The following SYNE2 variants were observed in gnomAD, a reference collection of about 807,000 sequenced individuals.
The protein encoded by SYNE2 is spectrin repeat containing nuclear envelope protein 2, also known as nesprin-2.
Under a neutral mutation model 856.3 loss-of-function variants are expected in SYNE2, and 431 were observed. The ratio of observed to expected loss-of-function variants is 0.50; its 90% CI spans 0.47 to 0.55. SYNE2 has a LOEUF of 0.55. Among genes scored for constraint, SYNE2 ranks in the 20% least tolerant of loss-of-function variants. The pLI is 0.00. For synonymous variants in SYNE2, 2,923 were observed against 2,872.3 expected (o/e 1.02, Z -0.56); for missense variants, 8,129 against 8,023.2 (o/e 1.01, Z -0.50).
intron 1 of SYNE2, among the ~76,000 whole-genome samples, chr14:63,853,736 G>A (rs1420188668): frequency 6.6e-6 from 1 of 151,630 alleles, no homozygotes; most frequent in Non-Finnish European, 1.5e-5. Context: ...CGGGCGGCCC[G>A]GGCACTGGAG....
intron 99 of SYNE2, among the ~76,000 whole-genome samples, chr14:64,201,111 AGAGTCAGC>A (rs1290223301): frequency 3.9e-5 from 6 of 152,218 alleles, no homozygotes; most frequent in African/African-American, 1.4e-4. Context: ...GAAGAAACTC[AGAGTCAGC>A]GGTTAGGTAC....
chr14:63,859,815 C>CG (rs1365885373), intron 1 of SYNE2, among the ~76,000 whole-genome samples: 1 of 152,092 alleles, frequency 6.6e-6, no homozygotes, highest in Non-Finnish European at 1.5e-5. Flanking sequence ...GACTCTGCCT[C>CG]GGGAAAAAGA....
chr14:63,900,234 C>A (rs568874710), intron 1 of SYNE2, among the ~76,000 whole-genome samples: 1 of 152,168 alleles, frequency 6.6e-6, no homozygotes, highest in South Asian at 2.1e-4. Flanking sequence ...TTGAGAATTG[C>A]TACATTTTTG....
rs535292955 is a variant in SYNE2 at position 64,091,375 on chromosome 14, A to G, written c.11976+327A>G. 5.9e-5 allele frequency among the ~76,000 whole-genome samples: 9 copies of G among 152,234 alleles called. No homozygotes were observed. The East Asian group carries it at 1.3e-3, about 23-fold the overall frequency. On this transcript the variant is annotated intron_variant, in intron 60 of 115. Coordinates refer to ENST00000555002, the MANE Select transcript of SYNE2 (RefSeq NM_182914.3). ...ACAGATCTGTAAAGTAATCATCACC[A>G]TAGTAATCTCTGTGTTCATCTCAGT...
chr14:63,766,680 C>T (rs1305072897), intron 1 of SYNE2, among the ~76,000 whole-genome samples: 1 of 152,142 alleles, frequency 6.6e-6, no homozygotes, highest in South Asian at 2.1e-4. Context: ...TCTGGGACAA[C>T]GTTGTTTAAA....
chr14:64,211,896 T>C, intron 103 of SYNE2, 65 bp from the exon 104 acceptor site: 1 of 1,612,090 alleles, frequency 6.2e-7, no homozygotes, highest in South Asian at 1.1e-5. Flanking sequence ...GAAGGTGGCC[T>C]TGCTGTCTGT....
chr14:63,861,346 T>C (rs1011729602), intron 1 of SYNE2, among the ~76,000 whole-genome samples: 15 of 151,920 alleles, frequency 9.9e-5, no homozygotes, highest in African/African-American at 3.6e-4. Flanking sequence ...GGTTTCACCA[T>C]GTTGGTCATG....
intron 13 of SYNE2, among the ~76,000 whole-genome samples, chr14:63,978,523 G>A (rs995376476): frequency 6.6e-6 from 1 of 152,128 alleles, no homozygotes; most frequent in Non-Finnish European, 1.5e-5. Context: ...TATAAACTTA[G>A]ATTATAGTTT....
chr14:63,767,525 A>G (rs4902243), intron 1 of SYNE2, among the ~76,000 whole-genome samples: 30,146 of 152,142 alleles, frequency 0.2, 3,330 homozygotes, highest in African/African-American at 0.29. Context: ...TTCATATAAA[A>G]ATCGAAATTC....
At chr14:64,070,547 C>G in intron 51 of SYNE2, 98 bp from the exon 52 acceptor site, 1 of 1,007,202 alleles carries the variant, frequency 9.9e-7, no homozygotes, top group South Asian at 1.5e-5. Flanking sequence ...CACTAGGAAC[C>G]CTTTGAAGAG....
intron 78 of SYNE2, 69 bp downstream of exon 78, chr14:64,134,269 TA>T: frequency 1.3e-6 from 2 of 1,526,312 alleles, no homozygotes; most frequent in Non-Finnish European, 1.8e-6. Flanking sequence ...TTGTTTTGAC[TA>T]AGTGGCTTGA....
chr14:64,216,405 TG>T lies in SYNE2; in HGVS notation c.19542+21del, dbSNP rs746250971. The T allele has an allele frequency of 2.5e-6, 4 of 1,613,410 alleles. No individual in the cohort carries two copies. In the South Asian group the frequency reaches 4.4e-5, roughly 18 times the overall value. On this transcript the variant is annotated intron_variant, in intron 108 of 115. Transcript: ENST00000555002. ...CACCCTATGTAAGTCTTAACTTCACTGGGAGTACAGCCTATGTCTGTGAGTC... is the reference window on the plus strand; with the variant it reads ...CACCCTATGTAAGTCTTAACTTCACTGGAGTACAGCCTATGTCTGTGAGTC...
At chr14:63,991,139 A>ATG in intron 21 of SYNE2, 24 bp downstream of exon 21, 1 of 1,611,980 alleles carries the variant, frequency 6.2e-7, no homozygotes, top group East Asian at 2.2e-5. Flanking sequence ...CAACCATCAA[A>ATG]TGTAGGACAT....
chr14:64,006,127 G>A (rs1289363804), intron 30 of SYNE2, among the ~76,000 whole-genome samples: 1 of 152,224 alleles, frequency 6.6e-6, no homozygotes, highest in African/African-American at 2.4e-5. Context: ...TTATGGGAGT[G>A]AATTGAAGAG....
intron 2 of SYNE2, among the ~76,000 whole-genome samples, chr14:63,932,197 G>C (rs4899122): frequency 6.6e-6 from 1 of 151,410 alleles, no homozygotes; most frequent in African/African-American, 2.4e-5. Flanking sequence ...CCTGGCCAAC[G>C]TAGTGAAACC....
rs1302544955 is a variant in SYNE2 at position 64,226,401 on chromosome 14, G to C, written c.*875G>C. ...AGCTGTTTGTGATATGTACAACTCA[G>C]ATGTTTCTCATTAAAAAACAAAATT... On this transcript the variant is annotated 3_prime_UTR_variant, in exon 116 of 116. Transcript: ENST00000555002. 1 of 152,474 alleles carries C rather than the reference G, an allele frequency of 6.6e-6. No individual in the cohort carries two copies. Among genetic ancestry groups the C allele is most frequent in the Admixed American group, 6.6e-5 (1 of 15,254 alleles). 9.4% of individuals were successfully genotyped at this position (152,474 alleles called of 1,614,324 possible). A position where few individuals can be genotyped will look rare whatever the true frequency, so the allele number is the denominator to read the frequency against.
rs748830808 is a variant in SYNE2 at position 63,774,468 on chromosome 14, CAA to C, written c.-305+12499_-305+12500del. Among the ~76,000 whole-genome samples the C allele has an allele frequency of 9.9e-4, 94 of 95,310 alleles. 2 individuals carry two copies. Among genetic ancestry groups the C allele is most frequent in the Middle Eastern group, 9.9e-3 (2 of 202 alleles). The allele number at this position is 95,310 out of a possible 152,430, so 62.5% of individuals were successfully genotyped here. A position where few individuals can be genotyped will look rare whatever the true frequency, so the allele number is the denominator to read the frequency against. On this transcript the variant is annotated intron_variant, in intron 1 of 23. Transcript: ENST00000674003. ...TGGGTAACAGAGTGAGACTCCGTCTCAAAAAAAAAAAAAAAAAAGAAAAAAAG... is the reference window on the plus strand; with the variant it reads ...TGGGTAACAGAGTGAGACTCCGTCTCAAAAAAAAAAAAAAAAGAAAAAAAG...
intron 53 of SYNE2, among the ~76,000 whole-genome samples, chr14:64,074,685 C>G (rs1022624069): frequency 1.3e-5 from 2 of 152,126 alleles, no homozygotes; most frequent in African/African-American, 4.8e-5. Flanking sequence ...CACTTGGGGT[C>G]AGGAGGTCAA....
intron 85 of SYNE2, among the ~76,000 whole-genome samples, chr14:64,157,013 C>G (rs1358358111): frequency 1.3e-5 from 2 of 152,190 alleles, no homozygotes; most frequent in East Asian, 3.8e-4. Context: ...CCAAAACTCA[C>G]ATCACACTAC....
Sources: allele counts gnomAD v4.1 joint callset (sites outside exome capture counted in the v4.1 genomes callset), GRCh38; gene constraint gnomAD v4.1.1; transcripts MANE v1.5; gene names NCBI Gene and HGNC (gene_info 2026-07-23, HGNC 2026-07-21).